Variants in RASEF observed in about 807,000 individuals in gnomAD.
RASEF encodes the protein RAS and EF-hand domain containing.
RASEF carries 68 observed loss-of-function variants against 90.1 expected under a neutral mutation model. The ratio of observed to expected loss-of-function variants is 0.75; its 90% CI spans 0.62 to 0.92. The LOEUF (loss-of-function observed/expected upper bound fraction) is 0.92, where lower values mean the gene tolerates loss of function less well. Ranked by LOEUF, RASEF falls within the 40% of genes least tolerant of loss-of-function variation. The pLI is 0.00. For synonymous variants in RASEF, 331 were observed against 345.2 expected (o/e 0.96, Z 0.46); for missense variants, 949 against 937.2 (o/e 1.01, Z -0.16).
the RASEF span, among the ~76,000 whole-genome samples, chr9:83,216,571 C>T: frequency 2.6e-5 from 4 of 152,176 alleles, no homozygotes; most frequent in African/African-American, 9.7e-5. Flanking sequence ...ATGGAAACAC[C>T]TGAACGTCCA....
At chr9:83,213,679 A>T in the RASEF span, among the ~76,000 whole-genome samples, 1 of 152,196 alleles carries the variant, frequency 6.6e-6, no homozygotes, top group Non-Finnish European at 1.5e-5. Flanking sequence ...AGTCTCCTCT[A>T]AATGAAGAAC....
Position 83,012,452 on chromosome 9 carries a change from T to A in RASEF, c.825A>T (p.Gln275His). Residue 275 changes from glutamine (Q) to histidine (H), a missense_variant, in exon 5 of 17, where the codon CAA (glutamine) becomes CAT (histidine). By Grantham distance (24) the Gln-to-His change is conservative. Transcript: ENST00000376447. ...QKEDVAALKK[Q>H]IYDLSMENQK... ...TTCTTACCATTGATAAATCATAAAT[T>A]TGTTTTTTCAATGCAGCCACATCTT... 1 of 1,577,918 alleles carries A rather than the reference T, an allele frequency of 6.3e-7. No individual in the cohort carries two copies. Among genetic ancestry groups the A allele is most frequent in the Non-Finnish European group, 8.6e-7 (1 of 1,158,152 alleles).
chr9:83,168,039 T>C, the RASEF span, among the ~76,000 whole-genome samples: 3 of 152,158 alleles, frequency 2.0e-5, no homozygotes, highest in African/African-American at 7.2e-5. Context: ...GTGGAACTGC[T>C]GGGTTGGTCA....
chr9:83,153,171 T>C, the RASEF span, among the ~76,000 whole-genome samples: 1 of 152,268 alleles, frequency 6.6e-6, no homozygotes, highest in Middle Eastern at 3.4e-3. Context: ...CATCGATTCT[T>C]TCTCTTAAAA....
At chr9:83,020,380 A>G (rs1034288365) in intron 3 of RASEF, among the ~76,000 whole-genome samples, 5 of 152,162 alleles carry the variant, frequency 3.3e-5, no homozygotes, top group African/African-American at 1.2e-4. Flanking sequence ...AGCCGAGGGG[A>G]GCCATGTGGA....
chr9:82,986,445 G>C (rs1300335096), intron 16 of RASEF, among the ~76,000 whole-genome samples: 1 of 152,128 alleles, frequency 6.6e-6, no homozygotes, highest in East Asian at 1.9e-4. Context: ...ACATAGCATG[G>C]GGCTATGCAC....
chr9:83,064,197 A>G (rs184443746), upstream of RASEF, among the ~76,000 whole-genome samples: 2 of 152,306 alleles, frequency 1.3e-5, no homozygotes, highest in African/African-American at 4.8e-5. Context: ...ACATCTGGGG[A>G]ACTATTTCCT....
Position 83,062,887 on chromosome 9 carries a change from C to G in RASEF, c.-20G>C. 1 of 1,450,442 alleles carries G rather than the reference C, an allele frequency of 6.9e-7. No individual in the cohort carries two copies. The highest frequency in any genetic ancestry group is 9.0e-7 in the Non-Finnish European group (1 of 1,112,966). 89.8% of individuals were successfully genotyped at this position (1,450,442 alleles called of 1,614,324 possible). A position where few individuals can be genotyped will look rare whatever the true frequency, so the allele number is the denominator to read the frequency against. On this transcript the variant is annotated 5_prime_UTR_variant, in exon 1 of 17. Coordinates refer to ENST00000376447, the MANE Select transcript of RASEF (RefSeq NM_152573.4). ...CTCCATCCCGCCTGGCGGGGGCGGC[C>G]GAGAGGGCTCCGGAGCGCCGCGGGG...
chr9:83,184,939 C>T, the RASEF span, among the ~76,000 whole-genome samples: 1 of 152,126 alleles, frequency 6.6e-6, no homozygotes, highest in Admixed American at 6.5e-5. Context: ...GCAGCATCAG[C>T]ATCCCCTGGG....
intron 1 of RASEF, among the ~76,000 whole-genome samples, chr9:83,033,717 A>C (rs1356489055): frequency 2.6e-5 from 4 of 152,226 alleles, no homozygotes; most frequent in African/African-American, 9.7e-5. Flanking sequence ...GTGCAGAGAT[A>C]AAAATAAATC....
chr9:83,113,207 C>T, the RASEF span, among the ~76,000 whole-genome samples: 1 of 152,152 alleles, frequency 6.6e-6, no homozygotes, highest in Admixed American at 6.5e-5. Context: ...ATTTCTTATG[C>T]CTGTCTTTAC....
At chr9:82,988,672 C>A (rs1011222109) in intron 16 of RASEF, among the ~76,000 whole-genome samples, 1 of 152,020 alleles carries the variant, frequency 6.6e-6, no homozygotes, top group Non-Finnish European at 1.5e-5. Flanking sequence ...AGTAGCCCCT[C>A]CCCTCTCCTT....
At chr9:83,214,161 A>T in the RASEF span, among the ~76,000 whole-genome samples, 5 of 152,298 alleles carry the variant, frequency 3.3e-5, no homozygotes, top group African/African-American at 1.2e-4. Flanking sequence ...TGGGAGGCTG[A>T]GGTGGGCTGA....
At chr9:83,218,239 G>C in the RASEF span, among the ~76,000 whole-genome samples, 1 of 152,102 alleles carries the variant, frequency 6.6e-6, no homozygotes, top group Non-Finnish European at 1.5e-5. Context: ...CCAGATCCTG[G>C]GAGTTTCTGA....
chr9:83,178,835 C>T, the RASEF span, among the ~76,000 whole-genome samples: 1 of 152,152 alleles, frequency 6.6e-6, no homozygotes, highest in African/African-American at 2.4e-5. Context: ...GGGTTTCCTT[C>T]CACAATGCCC....
intron 5 of RASEF, among the ~76,000 whole-genome samples, 183 bp from the exon 6 acceptor site, chr9:83,009,939 T>A (rs1413339094): frequency 6.6e-6 from 1 of 152,316 alleles, no homozygotes; most frequent in Non-Finnish European, 1.5e-5. Context: ...ATTAATAAAG[T>A]GTCAAAAATC....
the RASEF span, among the ~76,000 whole-genome samples, chr9:83,178,267 A>G: frequency 3.3e-5 from 5 of 152,138 alleles, no homozygotes; most frequent in East Asian, 9.6e-4. Flanking sequence ...TCTTACCCCA[A>G]GGTACTATGC....
the RASEF span, among the ~76,000 whole-genome samples, chr9:83,084,848 T>C: frequency 1.3e-5 from 2 of 152,148 alleles, no homozygotes; most frequent in Non-Finnish European, 2.9e-5. Context: ...GAAGAACTTG[T>C]CTTGGATATT....
At chr9:83,012,326 A>G in intron 5 of RASEF, 108 bp downstream of exon 5, 1 of 527,364 alleles carries the variant, frequency 1.9e-6, no homozygotes, top group East Asian at 3.5e-5. Context: ...TTTTCTAACT[A>G]CAGTATTAAC....
Sources: allele counts gnomAD v4.1 joint callset (sites outside exome capture counted in the v4.1 genomes callset), GRCh38; gene constraint gnomAD v4.1.1; transcripts MANE v1.5; gene names NCBI Gene and HGNC (gene_info 2026-07-23, HGNC 2026-07-21).